AFG2A: variants seen among roughly 807,000 people sequenced by gnomAD.
AFG2A encodes the protein AAA ATPase AFG2A.
chr4:123,113,966 G>A, the AFG2A span, among the ~76,000 whole-genome samples: 1 of 151,650 alleles, frequency 6.6e-6, no homozygotes, highest in Non-Finnish European at 1.5e-5. Context: ...CCCGACGAAT[G>A]TTCAGCTCTT....
At chr4:123,028,317 TG>T in the AFG2A span, 6 of 1,614,152 alleles carry the variant, frequency 3.7e-6, no homozygotes, top group Non-Finnish European at 5.1e-6. Flanking sequence ...TTCTTCTCTA[TG>T]GGCCACCTGG....
At chr4:123,225,237 G>T in the AFG2A span, among the ~76,000 whole-genome samples, 2 of 152,116 alleles carry the variant, frequency 1.3e-5, no homozygotes, top group South Asian at 4.1e-4. Flanking sequence ...TGTCAATTTT[G>T]GCTTTTGTTG....
chr4:123,238,641 T>C, the AFG2A span, among the ~76,000 whole-genome samples: 1 of 152,088 alleles, frequency 6.6e-6, no homozygotes, highest in Non-Finnish European at 1.5e-5. Flanking sequence ...AGCATCAACA[T>C]CAACAGAAAG....
At chr4:123,197,078 A>G in the AFG2A span, among the ~76,000 whole-genome samples, 114 of 152,298 alleles carry the variant, frequency 7.5e-4, 1 homozygote, top group African/African-American at 2.5e-3. Context: ...AATCTTTTTG[A>G]AAGGGTTTTC....
chr4:123,262,117 A>G, the AFG2A span, among the ~76,000 whole-genome samples: 1 of 152,012 alleles, frequency 6.6e-6, no homozygotes, highest in African/African-American at 2.4e-5. Flanking sequence ...CATCTCCCCA[A>G]ACACAGATTC....
chr4:122,998,805 A>G, the AFG2A span, among the ~76,000 whole-genome samples: 2 of 152,214 alleles, frequency 1.3e-5, no homozygotes, highest in Admixed American at 6.5e-5. Context: ...AGCATGATTT[A>G]TAGTCCTTTG....
chr4:123,112,858 C>G, the AFG2A span, among the ~76,000 whole-genome samples: 2 of 152,062 alleles, frequency 1.3e-5, no homozygotes, highest in African/African-American at 2.4e-5. Flanking sequence ...AAGTAAATAT[C>G]TATATAAAAT....
chr4:123,114,138 A>G, the AFG2A span, among the ~76,000 whole-genome samples: 2 of 151,924 alleles, frequency 1.3e-5, no homozygotes, highest in African/African-American at 4.8e-5. Context: ...CGGTCCCTCC[A>G]CTGGCTCTGC....
chr4:123,190,500 T>G, the AFG2A span, among the ~76,000 whole-genome samples: 4 of 152,310 alleles, frequency 2.6e-5, no homozygotes, highest in African/African-American at 9.6e-5. Flanking sequence ...TCTAGTTAGA[T>G]TTTCATCTTT....
At chr4:123,003,808 G>A in the AFG2A span, among the ~76,000 whole-genome samples, 260 of 152,250 alleles carry the variant, frequency 1.7e-3, 1 homozygote, top group Middle Eastern at 0.014. Flanking sequence ...CTCCAGCTGC[G>A]TGCTGGGAAA....
chr4:123,234,950 GT>G, the AFG2A span, among the ~76,000 whole-genome samples: 8 of 152,244 alleles, frequency 5.3e-5, no homozygotes, highest in East Asian at 1.5e-3. Context: ...GATTAAAGGA[GT>G]TTTATGTAAA....
At chr4:123,077,243 T>G in the AFG2A span, among the ~76,000 whole-genome samples, 1 of 152,026 alleles carries the variant, frequency 6.6e-6, no homozygotes, top group Non-Finnish European at 1.5e-5. Flanking sequence ...GAGATGGGGT[T>G]TCACCATGTT....
the AFG2A span, among the ~76,000 whole-genome samples, chr4:123,283,661 G>A: frequency 6.6e-6 from 1 of 152,128 alleles, no homozygotes; most frequent in Admixed American, 6.6e-5. Flanking sequence ...ACCTTTTTAA[G>A]GGATTGAAGA....
chr4:123,062,145 A>T, the AFG2A span, among the ~76,000 whole-genome samples: 1 of 152,156 alleles, frequency 6.6e-6, no homozygotes, highest in Non-Finnish European at 1.5e-5. Context: ...GTCTTCATCA[A>T]ATTGAACTTT....
At chr4:123,132,099 C>A in the AFG2A span, among the ~76,000 whole-genome samples, 4 of 151,918 alleles carry the variant, frequency 2.6e-5, no homozygotes, top group East Asian at 7.7e-4. Flanking sequence ...TGGCCTTTTC[C>A]CCCCCAGATT....
At chr4:123,078,081 T>G in the AFG2A span, among the ~76,000 whole-genome samples, 212 of 152,322 alleles carry the variant, frequency 1.4e-3, 1 homozygote, top group African/African-American at 4.6e-3. Context: ...CAGGGAACAT[T>G]CTAGTTAAGG....
chr4:123,159,371 A>G, the AFG2A span, among the ~76,000 whole-genome samples: 118 of 152,294 alleles, frequency 7.7e-4, no homozygotes, highest in African/African-American at 2.5e-3. Flanking sequence ...TATTTAGGAC[A>G]CATAGGAGCC....
the AFG2A span, among the ~76,000 whole-genome samples, chr4:122,985,476 G>T: frequency 6.6e-6 from 1 of 152,102 alleles, no homozygotes; most frequent in South Asian, 2.1e-4. Context: ...TTATTGGTCT[G>T]TTCAGGGTAC....
chr4:123,071,076 G>A, the AFG2A span, among the ~76,000 whole-genome samples: 1 of 152,184 alleles, frequency 6.6e-6, no homozygotes, highest in Non-Finnish European at 1.5e-5. Flanking sequence ...ATTATTTCTT[G>A]TGTTGGATTA....
Sources: gnomAD v4.1 joint callset for allele counts (sites outside exome capture counted in the v4.1 genomes callset) on GRCh38, gnomAD v4.1.1 for gene constraint, MANE v1.5 for transcripts, NCBI Gene and HGNC (gene_info 2026-07-23, HGNC 2026-07-21) for gene names.